CACNB2: variants seen among roughly 807,000 people sequenced by gnomAD.
CACNB2 encodes voltage-dependent L-type calcium channel subunit beta-2.
Under a neutral mutation model 73.3 loss-of-function variants are expected in CACNB2, and 42 were observed. The observed-to-expected ratio is 0.57, with a 90% CI of 0.45 to 0.74. CACNB2 has a LOEUF of 0.74. CACNB2 is among the 30% of genes least tolerant of loss of function. CACNB2 has a pLI of 0.00. For missense variants in CACNB2, 940 were observed against 853.0 expected, an observed-to-expected ratio of 1.10 and a Z score of -1.27; for synonymous variants, 348 against 310.3, an observed-to-expected ratio of 1.12 and a Z score of -1.28.
At chr10:18,451,268 A>G (rs2047009601) in intron 3 of CACNB2, among the ~76,000 whole-genome samples, 1 of 152,222 alleles carries the variant, frequency 6.6e-6, no homozygotes, top group South Asian at 2.1e-4. Flanking sequence ...AGAAGCAGCC[A>G]TCTGGGTAGT....
At chr10:18,315,528 A>AAAAAC (rs1306024951) in intron 2 of CACNB2, among the ~76,000 whole-genome samples, 1 of 90,136 alleles carries the variant, frequency 1.1e-5, no homozygotes, top group African/African-American at 4.2e-5. Flanking sequence ...AAAAAAAAAA[A>AAAAAC]CTTTTTTTTT....
chr10:18,353,415 A>G (rs61315268), intron 2 of CACNB2, among the ~76,000 whole-genome samples: 160 of 152,264 alleles, frequency 1.1e-3, no homozygotes, highest in African/African-American at 3.6e-3. Flanking sequence ...GTCTCCAAAA[A>G]AAAAAAAAAT....
intron 2 of CACNB2, among the ~76,000 whole-genome samples, chr10:18,270,040 G>A (rs2037983734): frequency 6.6e-6 from 1 of 152,146 alleles, no homozygotes; most frequent in Non-Finnish European, 1.5e-5. Context: ...CTGCTGTAAA[G>A]TAGTACTCAA....
intron 2 of CACNB2, among the ~76,000 whole-genome samples, chr10:18,318,561 A>G (rs1190989707): frequency 6.6e-6 from 1 of 152,230 alleles, no homozygotes; most frequent in Non-Finnish European, 1.5e-5. Flanking sequence ...CTTTATGATG[A>G]AAACACCAAA....
chr10:18,407,163 C>T (rs909143430), intron 3 of CACNB2, among the ~76,000 whole-genome samples: 1 of 128,072 alleles, frequency 7.8e-6, no homozygotes, highest in Admixed American at 8.8e-5. Context: ...CCCTCTGTCG[C>T]CCAGGCTGGA....
chr10:18,486,520 A>T (rs1215668603), intron 3 of CACNB2, among the ~76,000 whole-genome samples: 2 of 152,240 alleles, frequency 1.3e-5, no homozygotes, highest in Non-Finnish European at 2.9e-5. Context: ...GCCTCCACAC[A>T]GCAGGCCTCT....
At chr10:18,436,266 T>A (rs1159604972) in intron 3 of CACNB2, among the ~76,000 whole-genome samples, 3 of 152,248 alleles carry the variant, frequency 2.0e-5, no homozygotes, top group Non-Finnish European at 4.4e-5. Context: ...GAAACTTCTG[T>A]TTCATTTCAA....
chr10:18,216,638 A>G (rs2035524547), intron 2 of CACNB2, among the ~76,000 whole-genome samples: 1 of 152,222 alleles, frequency 6.6e-6, no homozygotes, highest in Non-Finnish European at 1.5e-5. Context: ...GTGCAGAAGA[A>G]CATAAATGCA....
At chr10:18,189,566 A>T (rs1221394114) in intron 2 of CACNB2, among the ~76,000 whole-genome samples, 2 of 152,184 alleles carry the variant, frequency 1.3e-5, no homozygotes, top group African/African-American at 4.8e-5. Flanking sequence ...AGCGTTTGCT[A>T]TGGCAGGATA....
At chr10:18,409,835 G>T (rs566032721) in intron 3 of CACNB2, among the ~76,000 whole-genome samples, 1 of 152,072 alleles carries the variant, frequency 6.6e-6, no homozygotes, top group Non-Finnish European at 1.5e-5. Context: ...AAGAAAAGGT[G>T]GCTAGAGTTT....
At chr10:18,402,391 GAA>G (rs57043162) in intron 3 of CACNB2, among the ~76,000 whole-genome samples, 2 of 143,820 alleles carry the variant, frequency 1.4e-5, no homozygotes, top group Non-Finnish European at 3.0e-5. Flanking sequence ...TCTCTGTTAA[GAA>G]AAAAAAAAAA....
chr10:18,441,674 G>A (rs569765672), intron 3 of CACNB2, among the ~76,000 whole-genome samples: 5 of 152,064 alleles, frequency 3.3e-5, no homozygotes, highest in South Asian at 4.2e-4. Context: ...TCTCACTGTC[G>A]CCCAGGCTGG....
chr10:18,459,494 A>G (rs150463593), intron 3 of CACNB2, among the ~76,000 whole-genome samples: 1 of 152,388 alleles, frequency 6.6e-6, no homozygotes, highest in East Asian at 1.9e-4. Context: ...TTACACAGCC[A>G]TACAGTGGTG....
chr10:18,314,959 C>G (rs140598921), intron 2 of CACNB2, among the ~76,000 whole-genome samples: 1 of 152,128 alleles, frequency 6.6e-6, no homozygotes, highest in Non-Finnish European at 1.5e-5. Flanking sequence ...TTAAAAAATA[C>G]TTGCCCTTAG....
intron 2 of CACNB2, among the ~76,000 whole-genome samples, chr10:18,296,358 C>G (rs1013451042): frequency 1.3e-5 from 2 of 152,106 alleles, no homozygotes; most frequent in Non-Finnish European, 2.9e-5. Context: ...TTTACTCACA[C>G]TTGACAGGAA....
At position 18,498,494 on chromosome 10, in the gene CACNB2, C is replaced by A. The variant is rs867418674; in HGVS notation, c.456+17C>A. 6.2e-7 allele frequency: 1 copy of A among 1,613,050 alleles called. No individual in the cohort carries two copies. Among genetic ancestry groups the A allele is most frequent in the Non-Finnish European group, 8.5e-7 (1 of 1,179,160 alleles). ...GTTAAGGAAGTAAGGAGAATAATTT[C>A]ATTTTCTAACAGCATGATGTTTCAC... On this transcript the variant is annotated intron_variant, in intron 4 of 13. Transcript: ENST00000324631.
At chr10:18,236,530 G>C (rs770798031) in intron 2 of CACNB2, among the ~76,000 whole-genome samples, 8 of 152,198 alleles carry the variant, frequency 5.3e-5, no homozygotes, top group South Asian at 2.1e-4. Context: ...CCAAGAGCAA[G>C]GGGCCACCTT....
intron 2 of CACNB2, among the ~76,000 whole-genome samples, chr10:18,216,149 T>C (rs892873386): frequency 7.3e-6 from 1 of 136,654 alleles, no homozygotes; most frequent in East Asian, 2.1e-4. Flanking sequence ...AAAAAAAAAA[T>C]AGCCAAATGT....
chr10:18,490,215 C>A (rs1446204730), intron 3 of CACNB2, among the ~76,000 whole-genome samples: 2 of 152,182 alleles, frequency 1.3e-5, no homozygotes, highest in Non-Finnish European at 2.9e-5. Flanking sequence ...AGAGATGCCA[C>A]TCTTCTACAA....
Sources: allele counts gnomAD v4.1 joint callset (sites outside exome capture counted in the v4.1 genomes callset), GRCh38; gene constraint gnomAD v4.1.1; transcripts MANE v1.5; gene names NCBI Gene and HGNC (gene_info 2026-07-23, HGNC 2026-07-21).